CACNA2D1: variants seen among roughly 807,000 people sequenced by gnomAD.
CACNA2D1 encodes the protein calcium voltage-gated channel auxiliary subunit alpha2delta 1, also known as voltage-dependent calcium channel subunit alpha-2/delta-1.
In CACNA2D1, 53 loss-of-function variants were observed where a neutral mutation model predicts 171.5. That is an observed-to-expected ratio of 0.31 (90% CI 0.25 to 0.39). The LOEUF is 0.39. CACNA2D1 is among the 10% of genes least tolerant of loss of function. CACNA2D1 has a pLI of 1.00. For missense variants in CACNA2D1, 903 were observed against 1,299.8 expected (o/e 0.69, Z 4.69); for synonymous variants, 442 against 443.1 (o/e 1.00, Z 0.03).
chr7:82,191,038 A>G (rs1798239283), intron 3 of CACNA2D1, among the ~76,000 whole-genome samples: 1 of 151,676 alleles, frequency 6.6e-6, no homozygotes, highest in Non-Finnish European at 1.5e-5. Context: ...AAAGAAGATA[A>G]AGGTCTTATG....
chr7:82,443,749 G>A lies in CACNA2D1; in HGVS notation c.-290C>T. On this transcript the variant is annotated 5_prime_UTR_variant, in exon 1 of 39. Coordinates refer to ENST00000356860, the MANE Select transcript of CACNA2D1 (RefSeq NM_000722.4). Reference sequence around the variant, plus strand: ...GGCGACTTTGGAAACAGACCTCGGCGAGCCCGCCGGCGCTCGCGCGCTCTC... The same window carrying A: ...GGCGACTTTGGAAACAGACCTCGGCAAGCCCGCCGGCGCTCGCGCGCTCTC... 5.0e-6 allele frequency: 6 copies of A among 1,188,992 alleles called. No individual in the cohort carries two copies. Among genetic ancestry groups the A allele is most frequent in the Non-Finnish European group, 6.3e-6 (6 of 949,350 alleles). The allele number at this position is 1,188,992 out of a possible 1,614,324, so 73.7% of individuals were successfully genotyped here.
intron 3 of CACNA2D1, among the ~76,000 whole-genome samples, chr7:82,238,580 C>T (rs1803886430): frequency 6.6e-6 from 1 of 151,844 alleles, no homozygotes; most frequent in Admixed American, 6.6e-5. Context: ...CAGATGCTGG[C>T]AACGTTGCAG....
intron 1 of CACNA2D1, chr7:82,410,507 A>G: frequency 1.0e-6 from 1 of 985,384 alleles, no homozygotes; most frequent in Non-Finnish European, 1.2e-6. Flanking sequence ...TACCTCTTTC[A>G]TGAGCTCAGT....
At chr7:82,339,923 G>C (rs1179408611) in intron 2 of CACNA2D1, among the ~76,000 whole-genome samples, 1 of 152,314 alleles carries the variant, frequency 6.6e-6, no homozygotes, top group East Asian at 1.9e-4. Context: ...TAGATAGTCA[G>C]AGTTAGCCAA....
intron 6 of CACNA2D1, among the ~76,000 whole-genome samples, chr7:82,103,153 C>A (rs567827916): frequency 2.0e-5 from 3 of 152,068 alleles, no homozygotes; most frequent in African/African-American, 7.2e-5. Flanking sequence ...ACTAAAAATA[C>A]AAAAATTAGC....
At chr7:82,258,812 CTTTTCT>C (rs1806640054) in intron 3 of CACNA2D1, among the ~76,000 whole-genome samples, 3 of 64,102 alleles carry the variant, frequency 4.7e-5, no homozygotes, top group Non-Finnish European at 1.0e-4. Context: ...TTCTTTCTTA[CTTTTCT>C]TTTTTTTTTT....
chr7:82,362,341 T>TTAAAGTC (rs2129447346), intron 1 of CACNA2D1, among the ~76,000 whole-genome samples: 1 of 152,316 alleles, frequency 6.6e-6, no homozygotes, highest in African/African-American at 2.4e-5. Context: ...TATTGTAACG[T>TTAAAGTC]TAAAGTCTAA....
At chr7:82,103,033 C>T (rs959917802) in intron 6 of CACNA2D1, among the ~76,000 whole-genome samples, 1 of 152,098 alleles carries the variant, frequency 6.6e-6, no homozygotes, top group African/African-American at 2.4e-5. Flanking sequence ...CTTGGCCAGG[C>T]GCTTGGGCTC....
At chr7:82,016,786 G>A (rs1349819148) in intron 12 of CACNA2D1, among the ~76,000 whole-genome samples, 2 of 151,938 alleles carry the variant, frequency 1.3e-5, no homozygotes, top group South Asian at 2.1e-4. Flanking sequence ...TTTGAAACAC[G>A]CCAAACTCTT....
intron 3 of CACNA2D1, among the ~76,000 whole-genome samples, chr7:82,268,358 A>T (rs916149578): frequency 6.6e-6 from 1 of 152,216 alleles, no homozygotes; most frequent in Non-Finnish European, 1.5e-5. Context: ...TATATCACAG[A>T]TATGATATAA....
intron 3 of CACNA2D1, among the ~76,000 whole-genome samples, chr7:82,225,243 G>T (rs1802230157): frequency 6.6e-6 from 1 of 152,188 alleles, no homozygotes; most frequent in South Asian, 2.1e-4. Context: ...AATAAAGAGA[G>T]AAATTGATAG....
chr7:82,186,024 G>A (rs1797699200), intron 3 of CACNA2D1, among the ~76,000 whole-genome samples: 2 of 151,844 alleles, frequency 1.3e-5, no homozygotes, highest in South Asian at 2.1e-4. Context: ...GGGCGTGGTG[G>A]TATACACCTG....
At chr7:82,351,563 G>A (rs1006849733) in intron 1 of CACNA2D1, among the ~76,000 whole-genome samples, 11 of 151,912 alleles carry the variant, frequency 7.2e-5, no homozygotes, top group African/African-American at 2.4e-4. Flanking sequence ...ATTGAACCAC[G>A]CTGTATGAAC....
intron 15 of CACNA2D1, among the ~76,000 whole-genome samples, chr7:82,010,081 A>T (rs183999558): frequency 1.9e-4 from 29 of 152,210 alleles, no homozygotes; most frequent in Middle Eastern, 3.4e-3. Flanking sequence ...ATCTTACACT[A>T]ATATCAGCTA....
At chr7:82,150,284 A>AAAAAAAAAAAC (rs1554432527) in intron 4 of CACNA2D1, among the ~76,000 whole-genome samples, 18 of 137,474 alleles carry the variant, frequency 1.3e-4, no homozygotes, top group Non-Finnish European at 2.4e-4. Flanking sequence ...AACAACAACA[A>AAAAAAAAAAAC]AAAAAAACAC....
At chr7:82,034,443 A>G (rs560573257) in intron 11 of CACNA2D1, among the ~76,000 whole-genome samples, 3 of 152,208 alleles carry the variant, frequency 2.0e-5, no homozygotes, top group African/African-American at 7.2e-5. Flanking sequence ...CAGCCATTAG[A>G]ACATTGGCAG....
chr7:82,390,670 A>C (rs1033680492), intron 1 of CACNA2D1, among the ~76,000 whole-genome samples: 2 of 151,982 alleles, frequency 1.3e-5, no homozygotes, highest in Non-Finnish European at 2.9e-5. Flanking sequence ...CCCCCATACC[A>C]CCTATTCAAA....
upstream of CACNA2D1, chr7:82,443,820 A>T: frequency 1.7e-6 from 1 of 595,122 alleles, no homozygotes; most frequent in Non-Finnish European, 2.2e-6. Flanking sequence ...CCGATTGCCG[A>T]GGCGAAGGCG....
At position 82,224,615 on chromosome 7, in the gene CACNA2D1, T is replaced by C. The variant is rs1353207512; in HGVS notation, c.295-54006A>G. 2.0e-5 allele frequency among the ~76,000 whole-genome samples: 3 copies of C among 152,030 alleles called. No individual in the cohort carries two copies. The East Asian group carries it at 5.8e-4, about 29-fold the overall frequency. On this transcript the variant is annotated intron_variant, in intron 3 of 38. Coordinates refer to ENST00000356860, the MANE Select transcript of CACNA2D1 (RefSeq NM_000722.4). ...AAGAAAAAAGAAATAAGACAGAACT[T>C]ATTTCTCAGTCAGCCCAGACTTGAT...
Sources: gnomAD v4.1 joint callset for allele counts (sites outside exome capture counted in the v4.1 genomes callset) on GRCh38, gnomAD v4.1.1 for gene constraint, MANE v1.5 for transcripts, NCBI Gene and HGNC (gene_info 2026-07-23, HGNC 2026-07-21) for gene names.